STK31: variants seen among roughly 807,000 people sequenced by gnomAD.
The protein encoded by STK31 is serine/threonine-protein kinase 31.
Under a neutral mutation model 129.7 loss-of-function variants are expected in STK31, and 89 were observed. The ratio of observed to expected loss-of-function variants is 0.69; its 90% CI spans 0.58 to 0.82. STK31 has a LOEUF of 0.82. STK31 is among the 40% of genes least tolerant of loss of function. The probability of loss-of-function intolerance (pLI) is 0.00; values close to 1 mark genes in which losing one functional copy is unlikely to be tolerated. For missense variants in STK31, 1,187 were observed against 1,176.4 expected (o/e 1.01, Z -0.13); for synonymous variants, 448 against 395.3 (o/e 1.13, Z -1.58).
chr7:23,793,195 A>T (rs763123665), intron 22 of STK31, among the ~76,000 whole-genome samples: 3 of 152,250 alleles, frequency 2.0e-5, no homozygotes, highest in African/African-American at 7.2e-5. Context: ...AACTCATACC[A>T]TATGTAGAGA....
intron 10 of STK31, among the ~76,000 whole-genome samples, chr7:23,755,391 T>C (rs574272696): frequency 1.4e-4 from 21 of 152,334 alleles, no homozygotes; most frequent in African/African-American, 4.6e-4. Flanking sequence ...ATTCTGGATA[T>C]TAGATCTTTG....
chr7:23,720,285 A>G (rs1365042728), intron 4 of STK31, among the ~76,000 whole-genome samples: 1 of 152,202 alleles, frequency 6.6e-6, no homozygotes, highest in Non-Finnish European at 1.5e-5. Context: ...TTCTTATACT[A>G]GAAAGATCCA....
chr7:23,771,314 A>T (rs1790178741), intron 14 of STK31, 190 bp downstream of exon 14: 1 of 454,180 alleles, frequency 2.2e-6, no homozygotes, highest in Admixed American at 4.5e-5. Flanking sequence ...ATATTTTATT[A>T]TGTCCATGAG....
At chr7:23,724,106 A>G (rs1365407047) in intron 4 of STK31, among the ~76,000 whole-genome samples, 1 of 152,250 alleles carries the variant, frequency 6.6e-6, no homozygotes, top group East Asian at 1.9e-4. Context: ...ACAAATGGTT[A>G]CAAAAAGCAA....
At chr7:23,787,888 C>A in intron 20 of STK31, 92 bp from the exon 21 acceptor site, 1 of 1,263,630 alleles carries the variant, frequency 7.9e-7, no homozygotes. Flanking sequence ...AAACTTTACT[C>A]ACTTCTAGAG....
At chr7:23,737,462 G>A (rs1356235825) in intron 8 of STK31, among the ~76,000 whole-genome samples, 1 of 152,128 alleles carries the variant, frequency 6.6e-6, no homozygotes, top group Non-Finnish European at 1.5e-5. Flanking sequence ...TATTTTAGAA[G>A]AAGTCCCATT....
intron 15 of STK31, among the ~76,000 whole-genome samples, chr7:23,773,301 T>C (rs1490203643): frequency 6.6e-6 from 1 of 152,188 alleles, no homozygotes; most frequent in African/African-American, 2.4e-5. Flanking sequence ...TGTTTGGTTT[T>C]CTGTTCCTGT....
At chr7:23,715,485 G>A (rs1181849045) in intron 3 of STK31, among the ~76,000 whole-genome samples, 3 of 151,910 alleles carry the variant, frequency 2.0e-5, no homozygotes, top group African/African-American at 7.3e-5. Context: ...CAGGCATGGT[G>A]GTGCATGCTT....
chr7:23,736,016 G>A (rs1213770047), intron 7 of STK31, 120 bp downstream of exon 7: 7 of 772,456 alleles, frequency 9.1e-6, no homozygotes, highest in Non-Finnish European at 1.4e-5. Context: ...AAGGGCTGAT[G>A]CTGATATTTC....
At chr7:23,732,556 G>A (rs1355854411) in intron 6 of STK31, among the ~76,000 whole-genome samples, 2 of 152,018 alleles carry the variant, frequency 1.3e-5, no homozygotes, top group Non-Finnish European at 2.9e-5. Context: ...TATGATTCAG[G>A]GAGAATCTGT....
chr7:23,805,273 A>C (rs1442067703), intron 22 of STK31, among the ~76,000 whole-genome samples: 1 of 151,822 alleles, frequency 6.6e-6, no homozygotes, highest in Non-Finnish European at 1.5e-5. Flanking sequence ...ATGGGGTTTC[A>C]CCATCTTGCT....
intron 22 of STK31, among the ~76,000 whole-genome samples, chr7:23,806,145 C>T (rs1792691070): frequency 6.6e-6 from 1 of 152,168 alleles, no homozygotes; most frequent in South Asian, 2.1e-4. Context: ...AAATAAGTTA[C>T]CAGTAAATGT....
chr7:23,729,788 G>A (rs916813627), intron 6 of STK31, among the ~76,000 whole-genome samples: 2 of 152,158 alleles, frequency 1.3e-5, no homozygotes, highest in African/African-American at 4.8e-5. Context: ...GGGATTACAA[G>A]CATGAGCCAC....
chr7:23,824,981 G>A (rs998762714), intron 23 of STK31, among the ~76,000 whole-genome samples: 2 of 152,064 alleles, frequency 1.3e-5, no homozygotes, highest in East Asian at 1.9e-4. Context: ...TTTTTGATGT[G>A]TTGCTGGATT....
chr7:23,810,600 T>TTATA (rs60718598), intron 22 of STK31, among the ~76,000 whole-genome samples: 1 of 133,146 alleles, frequency 7.5e-6, no homozygotes, highest in East Asian at 2.0e-4. Flanking sequence ...GTCCATCTTT[T>TTATA]TATATATATA....
chr7:23,812,434 A>AT (rs1183204184), intron 22 of STK31, among the ~76,000 whole-genome samples: 10 of 82,272 alleles, frequency 1.2e-4, no homozygotes, highest in East Asian at 3.3e-4. Context: ...TTTTTTTAAG[A>AT]TTTTTTTCTA....
At chr7:23,826,082 G>T (rs568667725) in intron 23 of STK31, among the ~76,000 whole-genome samples, 82 of 152,260 alleles carry the variant, frequency 5.4e-4, no homozygotes, top group African/African-American at 1.9e-3. Flanking sequence ...CTGTTGATTT[G>T]GGGTGGAGAG....
chr7:23,805,263 A>G (rs1328547177), intron 22 of STK31, among the ~76,000 whole-genome samples: 2 of 151,950 alleles, frequency 1.3e-5, no homozygotes, highest in African/African-American at 2.4e-5. Context: ...TTTAGTAGAG[A>G]TGGGGTTTCA....
In STK31 at chr7:23,772,400, G is replaced by C; in HGVS notation, c.1965+122G>C. The C allele has an allele frequency of 5.9e-6, 6 of 1,020,764 alleles. No homozygotes were observed. In the South Asian group the frequency reaches 9.6e-5, roughly 16 times the overall value. The allele number at this position is 1,020,764 out of a possible 1,614,324, so 63.2% of individuals were successfully genotyped here. ...AAGAGAGCCATTACATTCACATTTTGTTTTATATACTTTATCTTGTTTTCT... is the reference window on the plus strand; with the variant it reads ...AAGAGAGCCATTACATTCACATTTTCTTTTATATACTTTATCTTGTTTTCT... On this transcript the variant is annotated intron_variant, in intron 15 of 23. Coordinates refer to ENST00000355870, the MANE Select transcript of STK31 (RefSeq NM_031414.5).
Sources: allele counts gnomAD v4.1 joint callset (sites outside exome capture counted in the v4.1 genomes callset), GRCh38; gene constraint gnomAD v4.1.1; transcripts MANE v1.5; gene names NCBI Gene and HGNC (gene_info 2026-07-23, HGNC 2026-07-21).